The following NHS variants were observed in gnomAD, a reference collection of about 807,000 sequenced individuals.
The protein encoded by NHS is actin remodeling regulator NHS.
NHS carries 5 observed loss-of-function variants against 72.5 expected under a neutral mutation model. The ratio of observed to expected loss-of-function variants is 0.07; its 90% CI spans 0.04 to 0.14. The LOEUF (loss-of-function observed/expected upper bound fraction) is 0.14, where lower values mean the gene tolerates loss of function less well. Among genes scored for constraint, NHS ranks in the 10% least tolerant of loss-of-function variants. The probability of loss-of-function intolerance (pLI) is 1.00; values close to 1 mark genes in which losing one functional copy is unlikely to be tolerated. For missense variants in NHS, 1,072 were observed against 1,355.7 expected (o/e 0.79, Z 3.29); for synonymous variants, 464 against 547.7 (o/e 0.85, Z 2.13).
rs760075387 is a variant in NHS, at chrX:17,402,821, T to A, written c.565+26499T>A. On this transcript the variant is annotated intron_variant, in intron 1 of 8. Transcript: ENST00000676302. Reference sequence around the variant, plus strand: ...ATAAAGCTGTTAAAAAATAAGATGATGTCCTTTACCAAGAGTAGAGGGTAT... The same window carrying A: ...ATAAAGCTGTTAAAAAATAAGATGAAGTCCTTTACCAAGAGTAGAGGGTAT... Among the ~76,000 whole-genome samples the A allele has an allele frequency of 3.6e-5, 4 of 112,062 alleles. No homozygotes were observed. In the South Asian group the frequency reaches 1.5e-3, roughly 42 times the overall value.
chrX:17,720,317 CCT>C (rs958785242), intron 4 of NHS, among the ~76,000 whole-genome samples: 9 of 111,544 alleles, frequency 8.1e-5, no homozygotes, highest in Non-Finnish European at 1.7e-4. Flanking sequence ...TAGGTGAAAT[CCT>C]CTGAGTCAAC....
At chrX:17,635,206 C>A in intron 1 of NHS, 1 of 756,371 alleles carries the variant, frequency 1.3e-6, no homozygotes, top group Non-Finnish European at 1.7e-6. Context: ...AGAAGTCCCA[C>A]TGCAACCTAA....
intron 1 of NHS, among the ~76,000 whole-genome samples, chrX:17,566,956 A>G (rs2146970695): frequency 9.0e-6 from 1 of 111,405 alleles, no homozygotes; most frequent in East Asian, 2.8e-4. Flanking sequence ...TATACCTCTC[A>G]GAGTTACATT....
intron 3 of NHS, among the ~76,000 whole-genome samples, chrX:17,700,336 C>T (rs187413337): frequency 1.6e-4 from 17 of 108,086 alleles, no homozygotes; most frequent in Non-Finnish European, 2.7e-4. Flanking sequence ...CCCAGCTACT[C>T]AGGAGGCTGA....
chrX:17,695,574 C>G (rs753233134), intron 3 of NHS, among the ~76,000 whole-genome samples: 1 of 111,292 alleles, frequency 9.0e-6, no homozygotes, highest in Non-Finnish European at 1.9e-5. Flanking sequence ...CTGTGATTCC[C>G]AAACTGTGTG....
intron 5 of NHS, 89 bp downstream of exon 5, chrX:17,721,722 T>G (rs774137369): frequency 9.5e-5 from 78 of 822,684 alleles, no homozygotes; most frequent in Non-Finnish European, 1.3e-4. Flanking sequence ...AAGAATACCA[T>G]TTTGTAAACA....
At chrX:17,429,235 T>A (rs2064673525) in intron 1 of NHS, among the ~76,000 whole-genome samples, 1 of 106,222 alleles carries the variant, frequency 9.4e-6, no homozygotes, top group African/African-American at 3.9e-5. Flanking sequence ...TGTGTGTGTG[T>A]GTGTGTGTGT....
At position 17,532,343 on chromosome X, in the gene NHS, C is replaced by T. The variant is rs139405244; in HGVS notation, c.566-155399C>T. ...CACTTCTTTAGCCCTGATTATATGCCAGGCACTGGACCGGAGCCCCAGGAA... is the reference window on the plus strand; with the variant it reads ...CACTTCTTTAGCCCTGATTATATGCTAGGCACTGGACCGGAGCCCCAGGAA... On this transcript the variant is annotated intron_variant, in intron 1 of 8. Coordinates refer to ENST00000676302, the MANE Select transcript of NHS (RefSeq NM_001291867.2). 4.2e-3 allele frequency among the ~76,000 whole-genome samples: 469 copies of T among 110,593 alleles called. 1 individual carries two copies. The highest frequency in any genetic ancestry group is 0.014 in the African/African-American group (430 of 30,334).
chrX:17,638,751 A>ATGC (rs761073748), intron 1 of NHS, among the ~76,000 whole-genome samples: 3 of 112,407 alleles, frequency 2.7e-5, no homozygotes, highest in African/African-American at 3.2e-5. Context: ...CACCTAGTAG[A>ATGC]TGCTCAATCC....
intron 1 of NHS, among the ~76,000 whole-genome samples, chrX:17,631,538 G>A (rs1295412821): frequency 9.0e-6 from 1 of 111,711 alleles, no homozygotes; most frequent in Non-Finnish European, 1.9e-5. Context: ...TAAGCAAATG[G>A]ACAATTAAAT....
At chrX:17,421,244 T>TGC (rs1555986775) in intron 1 of NHS, among the ~76,000 whole-genome samples, 56 of 100,413 alleles carry the variant, frequency 5.6e-4, no homozygotes, top group African/African-American at 2.3e-3. Context: ...TGTGTGTGTG[T>TGC]GCGCGCACAC....
intron 1 of NHS, among the ~76,000 whole-genome samples, chrX:17,398,128 C>G (rs773885900): frequency 1.4e-4 from 16 of 111,807 alleles, no homozygotes; most frequent in Non-Finnish European, 2.6e-4. Flanking sequence ...GACTTTATCT[C>G]AAGATCCCTG....
At chrX:17,381,253 G>A (rs1452180835) in intron 1 of NHS, among the ~76,000 whole-genome samples, 2 of 111,636 alleles carry the variant, frequency 1.8e-5, no homozygotes, top group Admixed American at 9.5e-5. Context: ...TGGCATTTTG[G>A]TTGCCGTTGA....
intron 1 of NHS, among the ~76,000 whole-genome samples, chrX:17,460,617 A>C (rs1740478479): frequency 9.0e-6 from 1 of 111,675 alleles, no homozygotes; most frequent in Non-Finnish European, 1.9e-5. Context: ...CCCCAGCCCC[A>C]GACAACCATT....
intron 1 of NHS, among the ~76,000 whole-genome samples, chrX:17,580,771 C>T (rs745382904): frequency 8.9e-6 from 1 of 112,532 alleles, no homozygotes; most frequent in African/African-American, 3.2e-5. Flanking sequence ...TCTGTCTTCT[C>T]TCCAGATGGA....
intron 1 of NHS, among the ~76,000 whole-genome samples, chrX:17,615,205 TATATATATACGTATATATACAC>T (rs1569294191): frequency 1.1e-5 from 1 of 88,779 alleles, no homozygotes; most frequent in Non-Finnish European, 2.0e-5. Flanking sequence ...CATATATACG[TATATATATACGTATATATACAC>T]ATATATATAC....
At chrX:17,511,746 T>A (rs1258693040) in intron 1 of NHS, among the ~76,000 whole-genome samples, 1 of 111,871 alleles carries the variant, frequency 8.9e-6, no homozygotes, top group African/African-American at 3.2e-5. Flanking sequence ...AGAAGATGAC[T>A]CGTATCCCTT....
chrX:17,673,778 T>C (rs2066063859), intron 1 of NHS, among the ~76,000 whole-genome samples: 1 of 111,758 alleles, frequency 8.9e-6, no homozygotes, highest in African/African-American at 3.3e-5. Flanking sequence ...TATTAAAAAA[T>C]TTTTGCCTCA....
chrX:17,431,160 C>T (rs151240907), intron 1 of NHS, among the ~76,000 whole-genome samples: 12 of 112,092 alleles, frequency 1.1e-4, no homozygotes, highest in Non-Finnish European at 1.7e-4. Flanking sequence ...CCCAGGCTGG[C>T]AGTGCCATTT....
Sources: allele counts gnomAD v4.1 joint callset (sites outside exome capture counted in the v4.1 genomes callset), GRCh38; gene constraint gnomAD v4.1.1; transcripts MANE v1.5; gene names NCBI Gene and HGNC (gene_info 2026-07-23, HGNC 2026-07-21).